QKI: variants seen among roughly 807,000 people sequenced by gnomAD.
QKI encodes QKI, KH domain containing RNA binding.
Under a neutral mutation model 39.0 loss-of-function variants are expected in QKI, and 10 were observed. The ratio of observed to expected loss-of-function variants is 0.26; its 90% confidence interval spans 0.16 to 0.43. QKI has a LOEUF of 0.43. Among genes scored for constraint, QKI ranks in the 20% least tolerant of loss-of-function variants. The probability of loss-of-function intolerance (pLI) is 1.00; values close to 1 mark genes in which losing one functional copy is unlikely to be tolerated. For synonymous variants in QKI, 204 were observed against 155.4 expected, an observed-to-expected ratio of 1.31 and a Z score of -2.33; for missense variants, 218 against 428.0, an observed-to-expected ratio of 0.51 and a Z score of 4.33.
At chr6:163,446,847 G>A (rs1790193377) in intron 1 of QKI, among the ~76,000 whole-genome samples, 1 of 152,110 alleles carries the variant, frequency 6.6e-6, no homozygotes, top group Non-Finnish European at 1.5e-5. Context: ...TTTACTTTCT[G>A]TGTCTACTGG....
intron 4 of QKI, among the ~76,000 whole-genome samples, chr6:163,554,095 C>G (rs1405026535): frequency 6.6e-6 from 1 of 152,168 alleles, no homozygotes; most frequent in Admixed American, 6.5e-5. Flanking sequence ...CTTGGTGTCT[C>G]TCAGCTACTT....
rs1430531337 is a variant in QKI at position 163,570,749 on chromosome 6, T to C, written c.*39T>C. On this transcript the variant is annotated 3_prime_UTR_variant, in exon 8 of 8. Transcript: ENST00000361752. ...GACCTCTGAACTCTTCACCCAATGA[T>C]GACCTGACCATGCCTGCCTGCTGAT... 1 of 1,611,664 alleles carries C rather than the reference T, an allele frequency of 6.2e-7. No individual in the cohort carries two copies. The highest frequency in any genetic ancestry group is 1.3e-5 in the African/African-American group (1 of 74,762).
intron 7 of QKI, 118 bp from the exon 8 acceptor site, chr6:163,570,576 T>C (rs1583239395): frequency 1.3e-6 from 2 of 1,533,080 alleles, no homozygotes; most frequent in East Asian, 4.6e-5. Context: ...CTTTTTTTTT[T>C]ATTAGTTGTG....
chr6:163,471,937 C>T (rs1390588640), intron 2 of QKI, among the ~76,000 whole-genome samples: 1 of 152,008 alleles, frequency 6.6e-6, no homozygotes, highest in Non-Finnish European at 1.5e-5. Context: ...TAAATTCTAT[C>T]TATATTAGTA....
chr6:163,495,078 G>C (rs1374575357), intron 3 of QKI, among the ~76,000 whole-genome samples: 1 of 151,968 alleles, frequency 6.6e-6, no homozygotes, highest in East Asian at 1.9e-4. Flanking sequence ...AAAACACCTG[G>C]CTAATTTTTC....
chr6:163,488,250 A>G (rs1249235779), intron 3 of QKI, among the ~76,000 whole-genome samples: 1 of 152,130 alleles, frequency 6.6e-6, no homozygotes. Flanking sequence ...GTGATATGAC[A>G]GTCTGCACTC....
chr6:163,569,755 G>A, intron 7 of QKI: 1 of 990,442 alleles, frequency 1.0e-6, no homozygotes, highest in African/African-American at 1.7e-5. Context: ...TATATGAAAT[G>A]TCAGATTTTA....
rs1780136993 is a variant in QKI, at chr6:163,521,214, A to G, written c.403-13768A>G. ...AGTATAGAGGTATGCTCTTCTTAGT[A>G]GCTATACCTGCTGCCACCTGACTGT... On this transcript the variant is annotated intron_variant, in intron 3 of 7. Transcript: ENST00000361752. 2.6e-5 allele frequency among the ~76,000 whole-genome samples: 4 copies of G among 152,234 alleles called. No individual in the cohort carries two copies. The South Asian group carries it at 8.3e-4, about 32-fold the overall frequency.
chr6:163,460,427 T>C (rs1431474789), intron 2 of QKI, among the ~76,000 whole-genome samples: 1 of 152,208 alleles, frequency 6.6e-6, no homozygotes, highest in Admixed American at 6.5e-5. Context: ...CATAATGTTA[T>C]TCACAGTACA....
rs751584119 is a variant in QKI at position 163,416,022 on chromosome 6, C to T, written c.142+687C>T. ...TCCCTTTTGTTTGGGGAAGCGAGAA[C>T]TGTTAGGGAGTTGAACTTCACTTTT... is the stretch of plus-strand genomic sequence containing the variant. On this transcript the variant is annotated intron_variant, in intron 1 of 7. Coordinates refer to ENST00000361752, the MANE Select transcript of QKI (RefSeq NM_006775.3). 9.9e-4 allele frequency: 368 copies of T among 370,930 alleles called. 2 individuals are homozygous for T. Among genetic ancestry groups the T allele is most frequent in the Middle Eastern group, 2.6e-3 (5 of 1,944 alleles). The allele number at this position is 370,930 out of a possible 1,614,324, so 23.0% of individuals were successfully genotyped here.
chr6:163,492,241 C>T (rs571861406), intron 3 of QKI, among the ~76,000 whole-genome samples: 1 of 152,224 alleles, frequency 6.6e-6, no homozygotes, highest in South Asian at 2.1e-4. Flanking sequence ...GCCTAGGGAG[C>T]CATCCTATTC....
At chr6:163,527,385 C>A (rs930463795) in intron 3 of QKI, among the ~76,000 whole-genome samples, 1 of 152,082 alleles carries the variant, frequency 6.6e-6, no homozygotes, top group Non-Finnish European at 1.5e-5. Flanking sequence ...ATTCACAATA[C>A]GCCTGTTATT....
chr6:163,424,819 C>G (rs1788284779), intron 1 of QKI, among the ~76,000 whole-genome samples: 1 of 151,850 alleles, frequency 6.6e-6, no homozygotes, highest in Non-Finnish European at 1.5e-5. Flanking sequence ...TTAGTAGAGA[C>G]AGGGTTTCAC....
intron 4 of QKI, among the ~76,000 whole-genome samples, chr6:163,552,874 T>C (rs1347666446): frequency 6.6e-6 from 1 of 151,930 alleles, no homozygotes; most frequent in Non-Finnish European, 1.5e-5. Context: ...TAATATATTT[T>C]CACTTTCAGA....
intron 4 of QKI, among the ~76,000 whole-genome samples, chr6:163,548,315 T>C (rs1158058813): frequency 1.4e-5 from 2 of 139,998 alleles, no homozygotes; most frequent in African/African-American, 5.0e-5. Flanking sequence ...GATTGAATAT[T>C]AGTCCTTTAA....
chr6:163,443,267 C>T (rs1349626132), intron 1 of QKI, among the ~76,000 whole-genome samples: 2 of 152,188 alleles, frequency 1.3e-5, no homozygotes, highest in Non-Finnish European at 2.9e-5. Context: ...TAGATTGTTT[C>T]TTAAGCCTTT....
rs570592704 is a variant in QKI, at chr6:163,572,409, T to A, written c.*1699T>A. 3 of 152,346 alleles carry A rather than the reference T, an allele frequency of 2.0e-5. No individual in the cohort carries two copies. The East Asian group carries it at 5.8e-4, about 29-fold the overall frequency. 9.4% of individuals were successfully genotyped at this position (152,346 alleles called of 1,614,324 possible). A position where few individuals can be genotyped will look rare whatever the true frequency, so the allele number is the denominator to read the frequency against. The stretch of plus-strand genomic sequence containing the variant: ...TCACATGTCTTTATATCATACCAGA[T>A]AACTGGTGTAGTGTATCCTTTTACT... On this transcript the variant is annotated 3_prime_UTR_variant, in exon 8 of 8. Coordinates refer to ENST00000361752, the MANE Select transcript of QKI (RefSeq NM_006775.3).
At chr6:163,440,598 A>G (rs1465247960) in intron 1 of QKI, among the ~76,000 whole-genome samples, 1 of 152,250 alleles carries the variant, frequency 6.6e-6, no homozygotes, top group Non-Finnish European at 1.5e-5. Context: ...TTTAAGTTAT[A>G]TGATGAGATG....
At chr6:163,555,346 C>G (rs976745363) in intron 4 of QKI, among the ~76,000 whole-genome samples, 7 of 151,584 alleles carry the variant, frequency 4.6e-5, no homozygotes, top group African/African-American at 1.5e-4. Context: ...TTGATCACCC[C>G]AAAAATAAGC....
Sources: allele counts gnomAD v4.1 joint callset (sites outside exome capture counted in the v4.1 genomes callset), GRCh38; gene constraint gnomAD v4.1.1; transcripts MANE v1.5; gene names NCBI Gene and HGNC (gene_info 2026-07-23, HGNC 2026-07-21).